The following SRGAP1 variants were observed in gnomAD, a reference collection of about 807,000 sequenced individuals.
SRGAP1 encodes the protein SLIT-ROBO Rho GTPase activating protein 1.
A neutral mutation model predicts 121.9 loss-of-function variants in SRGAP1; 43 were observed. The observed-to-expected ratio is 0.35, with a 90% confidence interval of 0.28 to 0.46. SRGAP1 has a LOEUF of 0.46. Ranked by LOEUF, SRGAP1 falls within the 20% of genes least tolerant of loss-of-function variation. The probability of loss-of-function intolerance (pLI) is 1.00; values close to 1 mark genes in which losing one functional copy is unlikely to be tolerated. For synonymous variants in SRGAP1, 447 were observed against 485.4 expected, an observed-to-expected ratio of 0.92 and a Z score of 1.04; for missense variants, 1,102 against 1,350.9, an observed-to-expected ratio of 0.82 and a Z score of 2.89.
chr12:63,964,867 C>T (rs946217832), intron 1 of SRGAP1, among the ~76,000 whole-genome samples: 2 of 152,296 alleles, frequency 1.3e-5, no homozygotes, highest in South Asian at 2.1e-4. Context: ...AAATGAAAAT[C>T]GTACTACTTT....
chr12:63,959,282 ATATTCTT>A (rs1401963199), intron 1 of SRGAP1, among the ~76,000 whole-genome samples: 1 of 152,216 alleles, frequency 6.6e-6, no homozygotes, highest in Non-Finnish European at 1.5e-5. Context: ...TTTGCAACAT[ATATTCTT>A]TCAGGAACAT....
chr12:64,100,782 GC>G (rs1223434244), intron 15 of SRGAP1, among the ~76,000 whole-genome samples: 5 of 152,078 alleles, frequency 3.3e-5, no homozygotes. Context: ...TTATCTCTAA[GC>G]AAGCATTTTT....
At chr12:64,125,114 C>T (rs1044012542) in intron 18 of SRGAP1, among the ~76,000 whole-genome samples, 1 of 152,178 alleles carries the variant, frequency 6.6e-6, no homozygotes, top group South Asian at 2.1e-4. Context: ...CCGCTTCCCT[C>T]CATCACCTTC....
At chr12:64,087,445 T>G (rs2035967564) in intron 11 of SRGAP1, among the ~76,000 whole-genome samples, 1 of 152,156 alleles carries the variant, frequency 6.6e-6, no homozygotes, top group Admixed American at 6.5e-5. Context: ...CATATAAACA[T>G]TAGAGCTGGC....
chr12:63,936,390 TC>T (rs1353434975), intron 1 of SRGAP1, among the ~76,000 whole-genome samples: 1 of 152,214 alleles, frequency 6.6e-6, no homozygotes, highest in African/African-American at 2.4e-5. Context: ...TTAGGATAGT[TC>T]CTTTCCAGTT....
chr12:64,134,372 G>A (rs374624979), intron 21 of SRGAP1, among the ~76,000 whole-genome samples: 1 of 150,108 alleles, frequency 6.7e-6, no homozygotes, highest in African/African-American at 2.5e-5. Flanking sequence ...AGTGAGCCAA[G>A]ATTGCGCCAC....
At chr12:63,883,453 CTTG>C (rs1900261579) in intron 1 of SRGAP1, among the ~76,000 whole-genome samples, 1 of 152,116 alleles carries the variant, frequency 6.6e-6, no homozygotes, top group Non-Finnish European at 1.5e-5. Context: ...AGCAAATGTT[CTTG>C]TTGTTATGAC....
chr12:63,850,812 G>C (rs1411449880), intron 1 of SRGAP1, among the ~76,000 whole-genome samples: 2 of 152,122 alleles, frequency 1.3e-5, no homozygotes, highest in Non-Finnish European at 2.9e-5. Flanking sequence ...GGAATAAATT[G>C]TTTGTCTAAT....
At chr12:63,976,400 G>T (rs751026767) in intron 1 of SRGAP1, among the ~76,000 whole-genome samples, 3 of 152,084 alleles carry the variant, frequency 2.0e-5, no homozygotes, top group Non-Finnish European at 4.4e-5. Flanking sequence ...TTGTGCCCTT[G>T]CCTTCTTGCC....
chr12:63,989,134 T>G (rs892131538), intron 2 of SRGAP1, among the ~76,000 whole-genome samples: 1 of 152,238 alleles, frequency 6.6e-6, no homozygotes, highest in African/African-American at 2.4e-5. Context: ...AAAAGTAATT[T>G]TTCTTAAGCT....
At chr12:63,944,749 G>A (rs994233464) in intron 1 of SRGAP1, among the ~76,000 whole-genome samples, 4 of 152,182 alleles carry the variant, frequency 2.6e-5, no homozygotes, top group Non-Finnish European at 1.5e-5. Context: ...TAACCCAGTC[G>A]GAAAAGTATT....
chr12:64,043,406 CTT>C lies in SRGAP1; in HGVS notation c.673-39_673-38del, dbSNP rs749174169. On this transcript the variant is annotated intron_variant, in intron 5 of 21. Transcript: ENST00000355086. ...GTTTCTCTGTCTTGATTAAAAATGA[CTT>C]TGCATTCTTTCCCAATGCCTGGATC... is the stretch of plus-strand genomic sequence containing the variant. 7.0e-6 allele frequency: 11 copies of C among 1,582,682 alleles called. No homozygotes were observed. The East Asian group carries it at 2.5e-4, about 36-fold the overall frequency.
intron 4 of SRGAP1, among the ~76,000 whole-genome samples, chr12:64,030,474 A>AT (rs2034750806): frequency 6.6e-6 from 1 of 152,346 alleles, no homozygotes; most frequent in Middle Eastern, 3.4e-3. Flanking sequence ...GCATAAAACA[A>AT]TTTATCTTCT....
intron 1 of SRGAP1, among the ~76,000 whole-genome samples, chr12:63,869,692 A>G (rs1263008572): frequency 6.6e-6 from 1 of 152,248 alleles, no homozygotes; most frequent in Non-Finnish European, 1.5e-5. Context: ...GCTTGGGTTT[A>G]TGCTGATACT....
At chr12:64,017,935 A>G (rs2034449073) in intron 4 of SRGAP1, among the ~76,000 whole-genome samples, 1 of 152,172 alleles carries the variant, frequency 6.6e-6, no homozygotes, top group Non-Finnish European at 1.5e-5. Context: ...TTAGTAATAT[A>G]CTTATGTAAG....
intron 1 of SRGAP1, among the ~76,000 whole-genome samples, chr12:63,940,777 G>A (rs1410234275): frequency 6.6e-6 from 1 of 152,164 alleles, no homozygotes. Flanking sequence ...ATCGTTGGAG[G>A]CAACATGCCT....
intron 1 of SRGAP1, among the ~76,000 whole-genome samples, chr12:63,935,557 A>G (rs1401699459): frequency 2.0e-5 from 3 of 152,236 alleles, no homozygotes; most frequent in Admixed American, 6.5e-5. Flanking sequence ...AATTATAAGT[A>G]TAAATGAAAT....
chr12:64,020,807 C>A (rs2034525285), intron 4 of SRGAP1, among the ~76,000 whole-genome samples: 1 of 139,412 alleles, frequency 7.2e-6, no homozygotes, highest in South Asian at 2.2e-4. Flanking sequence ...TGTGCCACTG[C>A]ACTCCAGCTT....
chr12:64,059,909 T>C (rs546627446), intron 6 of SRGAP1, among the ~76,000 whole-genome samples: 29 of 152,288 alleles, frequency 1.9e-4, no homozygotes, highest in African/African-American at 7.0e-4. Context: ...GTAATTATGG[T>C]GTCACAGCTA....
Sources: gnomAD v4.1 joint callset for allele counts (sites outside exome capture counted in the v4.1 genomes callset) on GRCh38, gnomAD v4.1.1 for gene constraint, MANE v1.5 for transcripts, NCBI Gene and HGNC (gene_info 2026-07-23, HGNC 2026-07-21) for gene names.